The following PTPRN2 variants were observed in gnomAD, a reference collection of about 807,000 sequenced individuals.
PTPRN2 encodes receptor-type tyrosine-protein phosphatase N2.
PTPRN2 carries 74 observed loss-of-function variants against 118.8 expected under a neutral mutation model. That is an observed-to-expected ratio of 0.62 (90% CI 0.52 to 0.76). The LOEUF is 0.76. PTPRN2 is among the 30% of genes least tolerant of loss of function. The pLI, the probability that PTPRN2 is intolerant of heterozygous loss-of-function variation, is 0.00. For synonymous variants in PTPRN2, 641 were observed against 608.0 expected, an observed-to-expected ratio of 1.05 and a Z score of -0.80; for missense variants, 1,481 against 1,394.4, an observed-to-expected ratio of 1.06 and a Z score of -0.99.
intron 12 of PTPRN2, among the ~76,000 whole-genome samples, chr7:157,742,798 C>A (rs1800708643): frequency 6.6e-6 from 1 of 152,246 alleles, no homozygotes; most frequent in Admixed American, 6.5e-5. Flanking sequence ...CAGAAAGACA[C>A]AGTCTCAGTG....
At chr7:158,448,867 T>C (rs1382233679) in intron 2 of PTPRN2, among the ~76,000 whole-genome samples, 1 of 152,122 alleles carries the variant, frequency 6.6e-6, no homozygotes. Flanking sequence ...CGTTGGGTGG[T>C]TAGGAGACCA....
chr7:158,169,217 G>C (rs1438673552), intron 5 of PTPRN2, among the ~76,000 whole-genome samples: 1 of 152,152 alleles, frequency 6.6e-6, no homozygotes, highest in Non-Finnish European at 1.5e-5. Flanking sequence ...GTTGGGAAGT[G>C]GGTTGATAGA....
chr7:157,638,752 C>T (rs969100745), intron 14 of PTPRN2, among the ~76,000 whole-genome samples: 2 of 152,212 alleles, frequency 1.3e-5, no homozygotes, highest in African/African-American at 2.4e-5. Flanking sequence ...ACTCTTCTTG[C>T]TGGGACTTCT....
Position 157,755,466 on chromosome 7 carries a change from G to C in PTPRN2, c.1789-72529C>G, listed in dbSNP as rs926081847. 3.9e-5 allele frequency among the ~76,000 whole-genome samples: 6 copies of C among 152,242 alleles called. No individual in the cohort carries two copies. In the East Asian group the frequency reaches 5.8e-4, roughly 15 times the overall value. On this transcript the variant is annotated intron_variant, in intron 12 of 22. Transcript: ENST00000389418. ...CATGTTTACAGCTGTGTCTTCACGG[G>C]GGGGTTTGAGAAGTTGAGTCATCCT...
At chr7:157,802,527 G>A (rs1260334554) in intron 12 of PTPRN2, among the ~76,000 whole-genome samples, 4 of 152,232 alleles carry the variant, frequency 2.6e-5, no homozygotes, top group African/African-American at 7.2e-5. Context: ...GAACAATGCC[G>A]TGATGAACTC....
chr7:157,651,582 C>A (rs1431305482), intron 14 of PTPRN2, among the ~76,000 whole-genome samples: 1 of 152,200 alleles, frequency 6.6e-6, no homozygotes, highest in Non-Finnish European at 1.5e-5. Flanking sequence ...GGGACGGTGA[C>A]ACTCTTCTCC....
At chr7:157,566,770 C>T (rs762684481) in intron 21 of PTPRN2, among the ~76,000 whole-genome samples, 4 of 152,236 alleles carry the variant, frequency 2.6e-5, no homozygotes, top group Non-Finnish European at 4.4e-5. Flanking sequence ...ACCGGGGTCT[C>T]GAACCCAGGA....
rs1563196301 is a variant in PTPRN2, at chr7:157,874,670, G to A, written c.1788+24003C>T. Among the ~76,000 whole-genome samples the A allele has an allele frequency of 6.6e-6, 1 of 152,160 alleles. No individual in the cohort carries two copies. The highest frequency in any genetic ancestry group is 6.5e-5 in the Admixed American group (1 of 15,268). On this transcript the variant is annotated intron_variant, in intron 12 of 22. Coordinates refer to ENST00000389418, the MANE Select transcript of PTPRN2 (RefSeq NM_002847.5). The surrounding 1 kb of genome is among the most constrained non-coding windows in gnomAD (Gnocchi z 5.8). ...TGCCACCCAGCAGCACAAGGCAGGG[G>A]TTTGCTTGCAGGTAGCAAAGTAACC...
At chr7:157,855,133 G>A (rs552584657) in intron 12 of PTPRN2, among the ~76,000 whole-genome samples, 43 of 124,556 alleles carry the variant, frequency 3.5e-4, no homozygotes, top group Non-Finnish European at 4.6e-4. Flanking sequence ...TGGCTGCACG[G>A]TTGCAGGGGT....
At chr7:157,768,526 A>G (rs2151021113) in intron 12 of PTPRN2, among the ~76,000 whole-genome samples, 1 of 152,294 alleles carries the variant, frequency 6.6e-6, no homozygotes, top group East Asian at 1.9e-4. Flanking sequence ...TCAAGGAGCC[A>G]TGATGGGGAT....
chr7:157,742,076 C>T (rs1800665360), intron 12 of PTPRN2, among the ~76,000 whole-genome samples: 1 of 152,234 alleles, frequency 6.6e-6, no homozygotes, highest in African/African-American at 2.4e-5. Context: ...CGATTCCCTT[C>T]TAGATGTATC....
chr7:158,295,248 T>C lies in PTPRN2; in HGVS notation c.277+21571A>G, dbSNP rs113455179. 6.7e-3 allele frequency among the ~76,000 whole-genome samples: 80 copies of C among 11,958 alleles called. 20 individuals are homozygous for C. The highest frequency in any genetic ancestry group is 0.021 in the African/African-American group (72 of 3,382). The allele number at this position is 11,958 out of a possible 152,430, so 7.8% of individuals were successfully genotyped here. On this transcript the variant is annotated intron_variant, in intron 3 of 22. Coordinates refer to ENST00000389418, the MANE Select transcript of PTPRN2 (RefSeq NM_002847.5). ...TGACCCTGCCTGTCTGCCCAGACAC[T>C]GCGCCACTTTCCACGCGCATGGTTC...
At chr7:158,299,086 G>A (rs1242459107) in intron 3 of PTPRN2, among the ~76,000 whole-genome samples, 1 of 152,168 alleles carries the variant, frequency 6.6e-6, no homozygotes, top group Non-Finnish European at 1.5e-5. Context: ...CAGCAGTCTG[G>A]TGAGCGATGA....
At chr7:158,084,646 TCATCCACATCCTCGACGCC>T (rs2128934589) in intron 10 of PTPRN2, among the ~76,000 whole-genome samples, 1 of 118,170 alleles carries the variant, frequency 8.5e-6, no homozygotes, top group Admixed American at 8.1e-5. Flanking sequence ...CCCACGACAC[TCATCCACATCCTCGACGCC>T]CATCCACACC....
chr7:158,091,318 T>C (rs1814104552), intron 10 of PTPRN2, among the ~76,000 whole-genome samples: 3 of 152,236 alleles, frequency 2.0e-5, no homozygotes, highest in Admixed American at 2.0e-4. Context: ...AGCCAAGGCA[T>C]ATATGGCAAC....
At chr7:158,205,333 C>G (rs1827048583) in intron 3 of PTPRN2, 60 bp from the exon 4 acceptor site, 1 of 1,274,388 alleles carries the variant, frequency 7.8e-7, no homozygotes, top group Middle Eastern at 2.5e-4. Flanking sequence ...AAAGCTCTTG[C>G]TTCAGTCTCA....
chr7:157,595,415 G>A (rs890755780), intron 16 of PTPRN2, 100 bp from the exon 17 acceptor site: 39 of 1,124,478 alleles, frequency 3.5e-5, no homozygotes, highest in Admixed American at 4.0e-5. Context: ...TAGGAAACCC[G>A]GAGGTTAGGA....
chr7:158,066,261 G>A (rs1810762468), intron 11 of PTPRN2, among the ~76,000 whole-genome samples: 1 of 152,236 alleles, frequency 6.6e-6, no homozygotes, highest in Non-Finnish European at 1.5e-5. Context: ...CACCTTCCAT[G>A]AGGTGGATGA....
At chr7:158,166,260 GCTGCCGCGTTC>G in intron 6 of PTPRN2, among the ~76,000 whole-genome samples, 1 of 123,924 alleles carries the variant, frequency 8.1e-6, no homozygotes, top group East Asian at 2.4e-4. Flanking sequence ...CCTCCCCCTG[GCTGCCGCGTTC>G]CCTGTCCTCA....
Sources: allele counts gnomAD v4.1 joint callset (sites outside exome capture counted in the v4.1 genomes callset), GRCh38; gene constraint gnomAD v4.1.1; non-coding constraint Gnocchi (gnomAD v3.1); transcripts MANE v1.5; gene names NCBI Gene and HGNC (gene_info 2026-07-23, HGNC 2026-07-21).